PAPPA2: variants seen among roughly 807,000 people sequenced by gnomAD.
PAPPA2 encodes pappalysin-2.
A neutral mutation model predicts 176.4 loss-of-function variants in PAPPA2; 86 were observed. The ratio of observed to expected loss-of-function variants is 0.49; its 90% CI spans 0.41 to 0.58. PAPPA2 has a LOEUF of 0.58. Among genes scored for constraint, PAPPA2 ranks in the 20% least tolerant of loss-of-function variants. The probability of loss-of-function intolerance (pLI) is 0.00; values close to 1 mark genes in which losing one functional copy is unlikely to be tolerated. For missense variants in PAPPA2, 2,073 were observed against 2,256.9 expected (o/e 0.92, Z 1.65); for synonymous variants, 809 against 852.2 (o/e 0.95, Z 0.88).
intron 3 of PAPPA2, among the ~76,000 whole-genome samples, chr1:176,626,889 CTTTTTTTTTTTTT>C (rs547179481): frequency 7.8e-6 from 1 of 127,778 alleles, no homozygotes; most frequent in African/African-American, 2.9e-5. Flanking sequence ...CCTGTTTTTC[CTTTTTTTTTTTTT>C]TTTTTTGACA....
intron 1 of PAPPA2, among the ~76,000 whole-genome samples, chr1:176,538,582 GA>G (rs1650201835): frequency 2.6e-5 from 4 of 152,184 alleles, no homozygotes; most frequent in Admixed American, 1.3e-4. Context: ...AGAGGAGGGG[GA>G]GAAATGGAAC....
At chr1:176,728,831 T>G (rs1206970085) in intron 12 of PAPPA2, among the ~76,000 whole-genome samples, 1 of 151,924 alleles carries the variant, frequency 6.6e-6, no homozygotes, top group African/African-American at 2.4e-5. Flanking sequence ...CATATATACA[T>G]AAATGTAGAC....
At chr1:176,660,914 G>A (rs906528643) in intron 3 of PAPPA2, among the ~76,000 whole-genome samples, 10 of 151,948 alleles carry the variant, frequency 6.6e-5, no homozygotes, top group Non-Finnish European at 1.3e-4. Context: ...AATCTCTCCT[G>A]TTTCCTGTAT....
chr1:176,721,553 G>A (rs1661619663), intron 12 of PAPPA2, among the ~76,000 whole-genome samples: 1 of 152,220 alleles, frequency 6.6e-6, no homozygotes, highest in South Asian at 2.1e-4. Context: ...CAAAATTCTA[G>A]GTAGCCAGTT....
At chr1:176,680,893 G>A (rs1474137972) in intron 4 of PAPPA2, among the ~76,000 whole-genome samples, 3 of 152,156 alleles carry the variant, frequency 2.0e-5, no homozygotes, top group African/African-American at 7.2e-5. Flanking sequence ...ATAGCTGTAA[G>A]TGCTAAGAAA....
intron 1 of PAPPA2, among the ~76,000 whole-genome samples, chr1:176,505,181 A>C (rs1311316936): frequency 2.0e-5 from 3 of 152,112 alleles, no homozygotes; most frequent in Non-Finnish European, 2.9e-5. Flanking sequence ...ACATAACCCA[A>C]TACTCATTGA....
chr1:176,532,411 A>G (rs1649864023), intron 1 of PAPPA2, among the ~76,000 whole-genome samples: 1 of 152,210 alleles, frequency 6.6e-6, no homozygotes, highest in Non-Finnish European at 1.5e-5. Context: ...GCGTCCAGGT[A>G]ATGTGACGGA....
chr1:176,774,768 G>A (rs1481532648), intron 17 of PAPPA2, among the ~76,000 whole-genome samples: 3 of 140,588 alleles, frequency 2.1e-5, no homozygotes, highest in Non-Finnish European at 4.6e-5. Flanking sequence ...TCTATTTAAG[G>A]GGAAAAGTTG....
At chr1:176,580,265 A>G (rs1652885737) in intron 2 of PAPPA2, among the ~76,000 whole-genome samples, 1 of 152,188 alleles carries the variant, frequency 6.6e-6, no homozygotes, top group African/African-American at 2.4e-5. Context: ...GAAATGTTTA[A>G]CTTTCTGTTC....
At chr1:176,697,535 T>G (rs528472878) in intron 7 of PAPPA2, among the ~76,000 whole-genome samples, 1 of 152,196 alleles carries the variant, frequency 6.6e-6, no homozygotes, top group South Asian at 2.1e-4. Flanking sequence ...CACAAACACA[T>G]GTATTTATAA....
At chr1:176,564,620 A>G (rs1426836647) in intron 2 of PAPPA2, among the ~76,000 whole-genome samples, 1 of 152,172 alleles carries the variant, frequency 6.6e-6, no homozygotes, top group Non-Finnish European at 1.5e-5. Context: ...CTTTTGTTCA[A>G]GTATAAACAG....
intron 14 of PAPPA2, among the ~76,000 whole-genome samples, chr1:176,761,606 C>T (rs1420943638): frequency 6.6e-6 from 1 of 152,198 alleles, no homozygotes; most frequent in Non-Finnish European, 1.5e-5. Flanking sequence ...TGAGGAGCTC[C>T]TTGGCTCACT....
Position 176,666,515 on chromosome 1 carries a change from T to G in PAPPA2, c.1992-4455T>G, listed in dbSNP as rs190542772. On this transcript the variant is annotated intron_variant, in intron 3 of 22. Transcript: ENST00000367662. ...GATTTTCTCAGAAAACCTCATCTTGTGGGATCGGGAAAAGGGAATACAAAT... is the reference window on the plus strand; with the variant it reads ...GATTTTCTCAGAAAACCTCATCTTGGGGGATCGGGAAAAGGGAATACAAAT... Among the ~76,000 whole-genome samples the G allele has an allele frequency of 2.2e-3, 327 of 151,606 alleles. 1 individual carries two copies. Among genetic ancestry groups the G allele is most frequent in the South Asian group, 0.017 (79 of 4,774 alleles).
At chr1:176,494,453 A>G (rs1647484127) in intron 1 of PAPPA2, among the ~76,000 whole-genome samples, 1 of 152,196 alleles carries the variant, frequency 6.6e-6, no homozygotes, top group Non-Finnish European at 1.5e-5. Flanking sequence ...TTGCCAACAG[A>G]ACAGTATTCT....
chr1:176,480,656 C>T (rs1390098921), intron 1 of PAPPA2, among the ~76,000 whole-genome samples: 1 of 152,118 alleles, frequency 6.6e-6, no homozygotes, highest in Non-Finnish European at 1.5e-5. Context: ...CCTCTTTCTA[C>T]ACTCTTGAGG....
At chr1:176,468,041 A>G (rs777575665) in intron 1 of PAPPA2, among the ~76,000 whole-genome samples, 3 of 152,192 alleles carry the variant, frequency 2.0e-5, no homozygotes, top group Non-Finnish European at 4.4e-5. Context: ...ACAAAATGCA[A>G]TAGACAGGGA....
chr1:176,674,720 A>C (rs572228577), intron 4 of PAPPA2, among the ~76,000 whole-genome samples: 1 of 151,098 alleles, frequency 6.6e-6, no homozygotes, highest in South Asian at 2.1e-4. Context: ...GCTGCTATAA[A>C]CATGTGTGCA....
chr1:176,672,314 ATAGT>A (rs1659054715), intron 4 of PAPPA2, among the ~76,000 whole-genome samples: 1 of 152,300 alleles, frequency 6.6e-6, no homozygotes, highest in South Asian at 2.1e-4. Flanking sequence ...TGGAAAAAGA[ATAGT>A]TAGACTGACT....
At chr1:176,532,794 C>T (rs999981510) in intron 1 of PAPPA2, among the ~76,000 whole-genome samples, 1 of 152,182 alleles carries the variant, frequency 6.6e-6, no homozygotes, top group Non-Finnish European at 1.5e-5. Context: ...ACTTTGTTCT[C>T]GGCTCCCTAG....
Sources: allele counts gnomAD v4.1 joint callset (sites outside exome capture counted in the v4.1 genomes callset), GRCh38; gene constraint gnomAD v4.1.1; transcripts MANE v1.5; gene names NCBI Gene and HGNC (gene_info 2026-07-23, HGNC 2026-07-21).